SLCO3A1: variants seen among roughly 807,000 people sequenced by gnomAD.
SLCO3A1 encodes PGE1 transporter.
A neutral mutation model predicts 63.1 loss-of-function variants in SLCO3A1; 27 were observed. The observed-to-expected ratio is 0.43, with a 90% CI of 0.32 to 0.59. The LOEUF (loss-of-function observed/expected upper bound fraction) is 0.59, where lower values mean the gene tolerates loss of function less well. Among genes scored for constraint, SLCO3A1 ranks in the 20% least tolerant of loss-of-function variants. The pLI, the probability that SLCO3A1 is intolerant of heterozygous loss-of-function variation, is 0.09. For synonymous variants in SLCO3A1, 473 were observed against 409.9 expected (o/e 1.15, Z -1.86); for missense variants, 773 against 945.8 (o/e 0.82, Z 2.40).
chr15:91,963,648 A>G (rs982752587), intron 2 of SLCO3A1, among the ~76,000 whole-genome samples: 1 of 152,072 alleles, frequency 6.6e-6, no homozygotes. Context: ...TGAGTGTTAC[A>G]GTTCTTAAAG....
chr15:92,054,226 G>A (rs2046995213), intron 2 of SLCO3A1, among the ~76,000 whole-genome samples: 1 of 152,146 alleles, frequency 6.6e-6, no homozygotes, highest in African/African-American at 2.4e-5. Flanking sequence ...CTGGCTCTAT[G>A]AGATGCTCTA....
At chr15:92,140,503 G>A (rs1385841913) in intron 7 of SLCO3A1, among the ~76,000 whole-genome samples, 5 of 152,004 alleles carry the variant, frequency 3.3e-5, no homozygotes, top group Non-Finnish European at 7.4e-5. Context: ...TCCGCTTGGT[G>A]CAGAGCTGAG....
chr15:91,938,481 TG>T (rs779912377), intron 2 of SLCO3A1, among the ~76,000 whole-genome samples: 51 of 130,648 alleles, frequency 3.9e-4, no homozygotes, highest in Non-Finnish European at 6.0e-4. Context: ...TGGTTTTTTT[TG>T]TTTTTTTTTT....
chr15:92,126,749 C>CT (rs1315612318), intron 6 of SLCO3A1, among the ~76,000 whole-genome samples: 2 of 152,148 alleles, frequency 1.3e-5, no homozygotes, highest in Admixed American at 1.3e-4. Flanking sequence ...AGTTAGTTCT[C>CT]ATAGGACCAC....
intron 2 of SLCO3A1, among the ~76,000 whole-genome samples, chr15:92,039,604 T>A (rs2046771858): frequency 6.6e-6 from 1 of 152,178 alleles, no homozygotes; most frequent in East Asian, 1.9e-4. Flanking sequence ...AGTAACACTT[T>A]TACACTGTTG....
At chr15:92,053,680 TTTTG>T (rs1567092371) in intron 2 of SLCO3A1, among the ~76,000 whole-genome samples, 10 of 46,876 alleles carry the variant, frequency 2.1e-4, no homozygotes, top group African/African-American at 4.2e-4. Context: ...TGTTTTGTTT[TTTTG>T]TTTGTTTGTT....
In SLCO3A1 at chr15:91,900,240, A is replaced by G. The variant is rs1247057617; in HGVS notation, c.181-15753A>G. 1.3e-5 allele frequency among the ~76,000 whole-genome samples: 2 copies of G among 152,210 alleles called. No individual in the cohort carries two copies. The highest frequency in any genetic ancestry group is 4.8e-5 in the African/African-American group (2 of 41,442). ...TTCAACTGCTTTTCAAAGTGGCTAT[A>G]ACCATTTTATCTTTTATGTTCCCAC... On this transcript the variant is annotated intron_variant, in intron 1 of 9. Coordinates refer to ENST00000318445, the MANE Select transcript of SLCO3A1 (RefSeq NM_013272.4). This position sits in a 1 kb window ranked among gnomAD's most constrained non-coding sequence, Gnocchi z 4.3.
chr15:92,085,570 C>G (rs2047394881), intron 2 of SLCO3A1, among the ~76,000 whole-genome samples: 2 of 152,222 alleles, frequency 1.3e-5, no homozygotes, highest in African/African-American at 4.8e-5. Context: ...CGTCACACAG[C>G]AGGCACTCAA....
intron 2 of SLCO3A1, among the ~76,000 whole-genome samples, chr15:92,023,258 T>C (rs1465976917): frequency 1.3e-5 from 2 of 152,196 alleles, no homozygotes; most frequent in Non-Finnish European, 2.9e-5. Context: ...CCACCTTTCT[T>C]TACAGAACAT....
At chr15:92,028,554 T>A (rs2046604935) in intron 2 of SLCO3A1, among the ~76,000 whole-genome samples, 1 of 152,082 alleles carries the variant, frequency 6.6e-6, no homozygotes, top group Admixed American at 6.5e-5. Context: ...AGACACAAAT[T>A]CCAGCCCTCA....
chr15:91,941,792 CCT>C lies in SLCO3A1; in HGVS notation c.646+25340_646+25341del, dbSNP rs1202210359. On this transcript the variant is annotated intron_variant, in intron 2 of 9. Transcript: ENST00000318445. The surrounding 1 kb of genome is among the most constrained non-coding windows in gnomAD (Gnocchi z 4.4). ...CTTCATCTGAGAGCGCTCAGGCTTCCCTCTCTCCTCTGCCCAATGCAGTGCTT... is the reference window on the plus strand; with the variant it reads ...CTTCATCTGAGAGCGCTCAGGCTTCCCTCTCCTCTGCCCAATGCAGTGCTT... Among the ~76,000 whole-genome samples, 1 of 152,186 alleles carries C rather than the reference CCT, an allele frequency of 6.6e-6. No homozygotes were observed. The highest frequency in any genetic ancestry group is 1.5e-5 in the Non-Finnish European group (1 of 68,030).
At chr15:92,074,486 G>GTGAGGT (rs2047252799) in intron 2 of SLCO3A1, among the ~76,000 whole-genome samples, 1 of 152,176 alleles carries the variant, frequency 6.6e-6, no homozygotes, top group African/African-American at 2.4e-5. Flanking sequence ...TCTCAGGTGG[G>GTGAGGT]CCTTAAGGAC....
In SLCO3A1 at chr15:91,977,369, C is replaced by T. The variant is rs116355516; in HGVS notation, c.646+60911C>T. ...GGAGCTGTCTGAGGATGTTGTGATA[C>T]GTTCCAAGTTGTCGGTAACACACTT... is the stretch of plus-strand genomic sequence containing the variant. On this transcript the variant is annotated intron_variant, in intron 2 of 9. Coordinates refer to ENST00000318445, the MANE Select transcript of SLCO3A1 (RefSeq NM_013272.4). Among the ~76,000 whole-genome samples the T allele has an allele frequency of 1.4e-3, 212 of 152,206 alleles. 3 individuals are homozygous for T. The highest frequency in any genetic ancestry group is 4.7e-3 in the African/African-American group (197 of 41,510).
chr15:91,907,229 TG>T (rs1437069121), intron 1 of SLCO3A1, among the ~76,000 whole-genome samples: 1 of 151,536 alleles, frequency 6.6e-6, no homozygotes, highest in East Asian at 1.9e-4. Flanking sequence ...TTCTTTGAGA[TG>T]GAGTCTCACT....
intron 6 of SLCO3A1, among the ~76,000 whole-genome samples, 165 bp from the exon 7 acceptor site, chr15:92,128,186 A>T (rs573164366): frequency 2.0e-5 from 3 of 152,150 alleles, no homozygotes; most frequent in Non-Finnish European, 4.4e-5. Flanking sequence ...GCTGGACAGG[A>T]TAGGCTAAGG....
intron 2 of SLCO3A1, among the ~76,000 whole-genome samples, chr15:91,987,817 C>G (rs1214655629): frequency 6.6e-6 from 1 of 151,596 alleles, no homozygotes; most frequent in Non-Finnish European, 1.5e-5. Context: ...GATGGATTCT[C>G]AAAGAGCTCA....
intron 2 of SLCO3A1, among the ~76,000 whole-genome samples, chr15:91,969,529 A>T (rs1416503375): frequency 1.3e-5 from 2 of 151,156 alleles, no homozygotes; most frequent in African/African-American, 4.9e-5. Flanking sequence ...CTGGTCTCAA[A>T]CTCCTCACCT....
At chr15:91,995,547 A>G (rs1489783324) in intron 2 of SLCO3A1, among the ~76,000 whole-genome samples, 3 of 152,200 alleles carry the variant, frequency 2.0e-5, no homozygotes, top group Non-Finnish European at 2.9e-5. Context: ...ATGTGAAGAC[A>G]TTTTGGCAGA....
intron 2 of SLCO3A1, among the ~76,000 whole-genome samples, chr15:92,054,747 C>A (rs1397809954): frequency 6.6e-6 from 1 of 152,144 alleles, no homozygotes; most frequent in Non-Finnish European, 1.5e-5. Flanking sequence ...TAATGGCTTC[C>A]AGGTTTATCC....
Sources: gnomAD v4.1 joint callset for allele counts (sites outside exome capture counted in the v4.1 genomes callset) on GRCh38, gnomAD v4.1.1 for gene constraint, Gnocchi (gnomAD v3.1) non-coding constraint, MANE v1.5 for transcripts, NCBI Gene and HGNC (gene_info 2026-07-23, HGNC 2026-07-21) for gene names.